EEF1E1: variants seen among roughly 807,000 people sequenced by gnomAD.
EEF1E1 encodes the protein eukaryotic translation elongation factor 1 epsilon-1.
EEF1E1 carries 19 observed loss-of-function variants against 19.9 expected under a neutral mutation model. That is an observed-to-expected ratio of 0.95 (90% CI 0.66 to 1.40). The LOEUF (loss-of-function observed/expected upper bound fraction) is 1.40, where lower values mean the gene tolerates loss of function less well. Ranked by LOEUF, EEF1E1 falls within the 40% of genes most tolerant of loss-of-function variation. The pLI is 0.00. For synonymous variants in EEF1E1, 81 were observed against 80.0 expected (o/e 1.01, Z -0.07); for missense variants, 198 against 202.2 (o/e 0.98, Z 0.13).
chr6:8,079,445 C>A lies in EEF1E1; in HGVS notation c.*445G>T. The A allele has an allele frequency of 1.0e-6, 1 of 988,768 alleles. No homozygotes were observed. Among genetic ancestry groups the A allele is most frequent in the African/African-American group, 1.7e-5 (1 of 57,368 alleles). The allele number at this position is 988,768 out of a possible 1,614,324, so 61.2% of individuals were successfully genotyped here. A position where few individuals can be genotyped will look rare whatever the true frequency, so the allele number is the denominator to read the frequency against. On this transcript the variant is annotated 3_prime_UTR_variant, in exon 4 of 4. Transcript: ENST00000379715. ...TCACATAAATATTTTAAAACAAATC[C>A]ATCTGTCTTCCCTTTTGGCTTCCTT...
downstream of EEF1E1, among the ~76,000 whole-genome samples, chr6:8,076,745 C>A (rs1301692752): frequency 6.6e-6 from 1 of 152,146 alleles, no homozygotes; most frequent in Non-Finnish European, 1.5e-5. Flanking sequence ...TTTTTATCTC[C>A]ATCAGAGCTC....
chr6:8,097,152 T>G, intron 2 of EEF1E1, 115 bp downstream of exon 2: 1 of 1,011,570 alleles, frequency 9.9e-7, no homozygotes, highest in Non-Finnish European at 1.5e-6. Flanking sequence ...TGCAAACTAC[T>G]GAGGCAGAAG....
downstream of EEF1E1, among the ~76,000 whole-genome samples, chr6:8,079,175 G>C (rs1180417534): frequency 6.6e-6 from 1 of 152,062 alleles, no homozygotes; most frequent in African/African-American, 2.4e-5. Context: ...CAAAATTAGT[G>C]GGACAGTAAG....
chr6:8,085,987 G>GCATACTTGAATGCC (rs1757843718), intron 3 of EEF1E1, among the ~76,000 whole-genome samples: 1 of 152,024 alleles, frequency 6.6e-6, no homozygotes, highest in Non-Finnish European at 1.5e-5. Flanking sequence ...CTCAAGTATG[G>GCATACTTGAATGCC]CATAGTGGGC....
downstream of EEF1E1, among the ~76,000 whole-genome samples, chr6:8,077,228 T>C (rs140646678): frequency 5.0e-3 from 762 of 152,194 alleles, 24 homozygotes; most frequent in East Asian, 0.07. Context: ...CAAGCATGAG[T>C]CACTGCCCCT....
At chr6:8,101,243 A>AATATATATATAT (rs1216617377) in intron 1 of EEF1E1, among the ~76,000 whole-genome samples, 2 of 58,472 alleles carry the variant, frequency 3.4e-5, no homozygotes, top group East Asian at 5.3e-4. Context: ...AAAAAAAAAA[A>AATATATATATAT]ATATATATAT....
chr6:8,093,731 A>T (rs1019198291), intron 2 of EEF1E1, among the ~76,000 whole-genome samples: 2 of 152,142 alleles, frequency 1.3e-5, no homozygotes, highest in African/African-American at 4.8e-5. Flanking sequence ...GTGAATTTTT[A>T]AAAATAATAA....
chr6:8,086,862 T>C (rs1464520205), intron 3 of EEF1E1, among the ~76,000 whole-genome samples: 1 of 152,142 alleles, frequency 6.6e-6, no homozygotes, highest in East Asian at 1.9e-4. Flanking sequence ...GTGTTACAAA[T>C]ATGTGTCGCT....
At chr6:8,095,226 C>G (rs980378807) in intron 2 of EEF1E1, among the ~76,000 whole-genome samples, 1 of 152,034 alleles carries the variant, frequency 6.6e-6, no homozygotes, top group African/African-American at 2.4e-5. Flanking sequence ...ACTGGCCAGG[C>G]GAGGTGACTC....
chr6:8,102,469 T>C lies in EEF1E1; in HGVS notation c.53A>G (p.Lys18Arg). 1 of 1,612,634 alleles carries C rather than the reference T, an allele frequency of 6.2e-7. No individual in the cohort carries two copies. The highest frequency in any genetic ancestry group is 8.5e-7 in the Non-Finnish European group (1 of 1,179,944). ...GCCCTGAGCACTGTATTTATTCCCC[T>C]TACTCAGTCCCAGGGACTTCTCCAG... The part of the protein sequence containing the change: ...SLLEKSLGLS[K>R]GNKYSAQGER... Residue 18 changes from lysine to arginine, a missense_variant, in exon 1 of 4, where the codon AAG becomes AGG. Coordinates refer to ENST00000379715, the MANE Select transcript of EEF1E1 (RefSeq NM_004280.5).
intron 2 of EEF1E1, among the ~76,000 whole-genome samples, chr6:8,092,868 G>GTTTTTTTTTTTTTTTTTTTTTTTTT (rs1554099258): frequency 9.2e-6 from 1 of 108,202 alleles, no homozygotes; most frequent in Non-Finnish European, 1.9e-5. Flanking sequence ...GATAAAGACT[G>GTTTTTTTTTTTTTTTTTTTTTTTTT]CTTTTTTTTT....
intron 3 of EEF1E1, 68 bp from the exon 4 acceptor site, chr6:8,080,098 T>G: frequency 6.5e-7 from 1 of 1,539,162 alleles, no homozygotes; most frequent in South Asian, 1.2e-5. Context: ...TAATATCACT[T>G]AAGTAGGAGA....
In EEF1E1 at chr6:8,079,583, G is replaced by A; in HGVS notation, c.*307C>T. On this transcript the variant is annotated 3_prime_UTR_variant, in exon 4 of 4. Coordinates refer to ENST00000379715, the MANE Select transcript of EEF1E1 (RefSeq NM_004280.5). Reference sequence around the variant, plus strand: ...AGCCAAATATGTCAACCATTGAAATGACCACCAATTTTAAGATTAAGCCCG... The same window carrying A: ...AGCCAAATATGTCAACCATTGAAATAACCACCAATTTTAAGATTAAGCCCG... 5.7e-6 allele frequency: 6 copies of A among 1,048,774 alleles called. No individual in the cohort carries two copies. The highest frequency in any genetic ancestry group is 6.9e-6 in the Non-Finnish European group (6 of 868,398). The allele number at this position is 1,048,774 out of a possible 1,614,324, so 65.0% of individuals were successfully genotyped here.
At chr6:8,095,863 T>C (rs1001668162) in intron 2 of EEF1E1, among the ~76,000 whole-genome samples, 1 of 152,206 alleles carries the variant, frequency 6.6e-6, no homozygotes, top group African/African-American at 2.4e-5. Context: ...CAATCCACTC[T>C]ATGTACAATC....
At chr6:8,077,156 G>A (rs912039268), downstream of EEF1E1, among the ~76,000 whole-genome samples, 1 of 152,020 alleles carries the variant, frequency 6.6e-6, no homozygotes, top group South Asian at 2.1e-4. Flanking sequence ...TGTTAGCCAG[G>A]ATTGTCTCGA....
chr6:8,080,150 C>G, intron 3 of EEF1E1, 120 bp from the exon 4 acceptor site: 1 of 1,055,314 alleles, frequency 9.5e-7, no homozygotes, highest in Non-Finnish European at 1.4e-6. Flanking sequence ...CAAGAGCTCT[C>G]AAAAGCCAAC....
chr6:8,100,080 C>CA (rs2113670123), intron 1 of EEF1E1, among the ~76,000 whole-genome samples: 1 of 152,278 alleles, frequency 6.6e-6, no homozygotes, highest in East Asian at 1.9e-4. Flanking sequence ...TTTCCCCATA[C>CA]AAGTAAACAG....
intron 2 of EEF1E1, among the ~76,000 whole-genome samples, chr6:8,092,869 CTTTTTTTTT>C (rs942764776): frequency 4.3e-5 from 4 of 93,764 alleles, no homozygotes; most frequent in African/African-American, 1.8e-4. Context: ...ATAAAGACTG[CTTTTTTTTT>C]TTTTTTTTTT....
chr6:8,079,262 A>G (rs1757668352), downstream of EEF1E1: 2 of 358,172 alleles, frequency 5.6e-6, no homozygotes, highest in Non-Finnish European at 7.8e-6. Flanking sequence ...TGCATATTAC[A>G]ATAAGCCCAA....
Sources: gnomAD v4.1 joint callset for allele counts (sites outside exome capture counted in the v4.1 genomes callset) on GRCh38, gnomAD v4.1.1 for gene constraint, MANE v1.5 for transcripts, NCBI Gene and HGNC (gene_info 2026-07-23, HGNC 2026-07-21) for gene names.